Variants in INVS observed in about 807,000 individuals in gnomAD.
INVS encodes the protein inversin.
Under a neutral mutation model 108.8 loss-of-function variants are expected in INVS, and 86 were observed. The observed-to-expected ratio is 0.79, with a 90% CI of 0.66 to 0.95. INVS has a LOEUF of 0.95. INVS is among the 40% of genes least tolerant of loss of function. The pLI is 0.00. For synonymous variants in INVS, 455 were observed against 473.5 expected, an observed-to-expected ratio of 0.96 and a Z score of 0.51; for missense variants, 1,169 against 1,297.4, an observed-to-expected ratio of 0.90 and a Z score of 1.52.
At chr9:100,223,538 A>G (rs1293338227) in intron 3 of INVS, among the ~76,000 whole-genome samples, 2 of 152,248 alleles carry the variant, frequency 1.3e-5, no homozygotes, top group Admixed American at 6.5e-5. Flanking sequence ...TCAATAAAAC[A>G]TGGTCTCTGC....
intron 5 of INVS, among the ~76,000 whole-genome samples, chr9:100,235,192 C>A (rs1831642929): frequency 6.8e-6 from 1 of 146,608 alleles, no homozygotes; most frequent in South Asian, 2.2e-4. Context: ...GCAACCCCTG[C>A]TTTTTTTTTT....
intron 12 of INVS, among the ~76,000 whole-genome samples, chr9:100,278,231 C>CAAAAAAAAAAAAA (rs750217205): frequency 2.4e-5 from 2 of 83,110 alleles, no homozygotes; most frequent in African/African-American, 9.6e-5. Context: ...GACCCTGTCT[C>CAAAAAAAAAAAAA]AAAAAAAAAA....
At chr9:100,159,527 A>G (rs187799912) in intron 3 of INVS, among the ~76,000 whole-genome samples, 9 of 152,336 alleles carry the variant, frequency 5.9e-5, no homozygotes, top group African/African-American at 2.2e-4. Flanking sequence ...ACATTGCTTT[A>G]TTATAGATAG....
chr9:100,116,351 T>A (rs1224423731), intron 2 of INVS, among the ~76,000 whole-genome samples: 1 of 152,070 alleles, frequency 6.6e-6, no homozygotes, highest in Non-Finnish European at 1.5e-5. Flanking sequence ...TCAAGCAATC[T>A]ACCTGCCTCT....
chr9:100,122,677 G>A lies in INVS; in HGVS notation c.107-3706G>A, dbSNP rs1161118378. Among the ~76,000 whole-genome samples the A allele has an allele frequency of 3.0e-5, 4 of 132,420 alleles. No homozygotes were observed. In the East Asian group the frequency reaches 7.9e-4, roughly 26 times the overall value. The allele number at this position is 132,420 out of a possible 152,430, so 86.9% of individuals were successfully genotyped here. On this transcript the variant is annotated intron_variant, in intron 2 of 16. Coordinates refer to ENST00000262457, the MANE Select transcript of INVS (RefSeq NM_014425.5). ...CGGCTTACTGCAAGCTCCGTCTCCCGGGTTCACGCCATTCTCCTGCCTCAG... is the reference window on the plus strand; with the variant it reads ...CGGCTTACTGCAAGCTCCGTCTCCCAGGTTCACGCCATTCTCCTGCCTCAG...
chr9:100,108,228 T>C (rs1827236866), intron 2 of INVS, among the ~76,000 whole-genome samples: 1 of 152,106 alleles, frequency 6.6e-6, no homozygotes, highest in Admixed American at 6.6e-5. Flanking sequence ...ACCTTGAAAA[T>C]CCCCAAAGAG....
chr9:100,191,939 G>A (rs1427386096), intron 3 of INVS, among the ~76,000 whole-genome samples: 1 of 152,098 alleles, frequency 6.6e-6, no homozygotes, highest in East Asian at 1.9e-4. Flanking sequence ...GATTTCCGGT[G>A]TGAAGACTCT....
Position 100,126,339 on chromosome 9 carries a change from A to G in INVS, c.107-44A>G, listed in dbSNP as rs373972418. The G allele has an allele frequency of 8.3e-6, 12 of 1,437,664 alleles. No homozygotes were observed. In the African/African-American group the frequency reaches 1.7e-4, roughly 20 times the overall value. The allele number at this position is 1,437,664 out of a possible 1,614,324, so 89.1% of individuals were successfully genotyped here. ...GAATATAGTTCCTACTTATATTAGT[A>G]ATAACAATTATCAAATATCACTATC... is the stretch of plus-strand genomic sequence containing the variant. On this transcript the variant is annotated intron_variant, in intron 2 of 16. Transcript: ENST00000262457.
At chr9:100,198,264 A>ATTTTTTTTTTTTTTTTT (rs66710233) in intron 3 of INVS, among the ~76,000 whole-genome samples, 1 of 65,286 alleles carries the variant, frequency 1.5e-5, no homozygotes, top group Non-Finnish European at 2.8e-5. Context: ...GAGGGCTAGA[A>ATTTTTTTTTTTTTTTTT]TTTTTTTTTT....
intron 3 of INVS, among the ~76,000 whole-genome samples, chr9:100,189,713 T>A (rs1440245767): frequency 6.6e-6 from 1 of 152,156 alleles, no homozygotes; most frequent in African/African-American, 2.4e-5. Flanking sequence ...TTCCATTTGC[T>A]GATAAGAAGT....
In INVS at chr9:100,120,260, A is replaced by T. The variant is rs575711191; in HGVS notation, c.107-6123A>T. 3.4e-3 allele frequency among the ~76,000 whole-genome samples: 519 copies of T among 152,362 alleles called. 3 individuals carry two copies. Among genetic ancestry groups the T allele is most frequent in the Admixed American group, 9.1e-3 (140 of 15,308 alleles). On this transcript the variant is annotated intron_variant, in intron 2 of 16. Transcript: ENST00000262457. ...TTCAAATACATTCAAACTTACACAG[A>T]TTCCTTATAAATTACTGCTATCAAG...
intron 3 of INVS, among the ~76,000 whole-genome samples, chr9:100,206,107 T>C (rs1405122297): frequency 6.6e-6 from 1 of 152,138 alleles, no homozygotes; most frequent in Non-Finnish European, 1.5e-5. Context: ...GTAGTGAGAA[T>C]ACTTCTGGTT....
chr9:100,187,032 G>T (rs1830074017), intron 3 of INVS, among the ~76,000 whole-genome samples: 1 of 152,030 alleles, frequency 6.6e-6, no homozygotes. Context: ...GTTGATTTTT[G>T]TATATGGTGA....
intron 13 of INVS, among the ~76,000 whole-genome samples, chr9:100,289,494 T>C (rs1833547246): frequency 6.6e-6 from 1 of 152,224 alleles, no homozygotes; most frequent in South Asian, 2.1e-4. Context: ...CAGAAGTTTA[T>C]TATTTCTCAC....
chr9:100,106,330 T>TC (rs1367851896), intron 2 of INVS, among the ~76,000 whole-genome samples: 2 of 152,154 alleles, frequency 1.3e-5, no homozygotes, highest in Non-Finnish European at 2.9e-5. Context: ...CTTCTTTTTT[T>TC]CCCCCTCTGA....
intron 3 of INVS, among the ~76,000 whole-genome samples, chr9:100,185,401 C>T (rs1830023628): frequency 6.6e-6 from 1 of 151,152 alleles, no homozygotes; most frequent in African/African-American, 2.4e-5. Flanking sequence ...CCATGGTTAA[C>T]ACCATTATGA....
chr9:100,265,907 T>C (rs530192102), intron 11 of INVS, among the ~76,000 whole-genome samples: 1 of 152,196 alleles, frequency 6.6e-6, no homozygotes, highest in African/African-American at 2.4e-5. Flanking sequence ...TGAAACCCCA[T>C]CTCTACTAAA....
At chr9:100,206,564 A>C (rs538182651) in intron 3 of INVS, among the ~76,000 whole-genome samples, 1 of 152,254 alleles carries the variant, frequency 6.6e-6, no homozygotes, top group Non-Finnish European at 1.5e-5. Context: ...AGTAAGTTGC[A>C]GGTGTGATAC....
intron 3 of INVS, among the ~76,000 whole-genome samples, chr9:100,145,446 G>A (rs544672792): frequency 6.6e-6 from 1 of 152,042 alleles, no homozygotes; most frequent in Non-Finnish European, 1.5e-5. Flanking sequence ...TAAGAGGTCA[G>A]GGCATGGAAT....
Sources: gnomAD v4.1 joint callset for allele counts (sites outside exome capture counted in the v4.1 genomes callset) on GRCh38, gnomAD v4.1.1 for gene constraint, MANE v1.5 for transcripts, NCBI Gene and HGNC (gene_info 2026-07-23, HGNC 2026-07-21) for gene names.